Variants in LDAH observed in about 807,000 individuals in gnomAD.
LDAH encodes the protein lipid droplet associated hydrolase, also known as lipid droplet-associated hydrolase.
A neutral mutation model predicts 29.6 loss-of-function variants in LDAH; 26 were observed. The ratio of observed to expected loss-of-function variants is 0.88; its 90% CI spans 0.64 to 1.22. The LOEUF is 1.22. LDAH is among the 50% of genes most tolerant of loss of function. The probability of loss-of-function intolerance (pLI) is 0.00; values close to 1 mark genes in which losing one functional copy is unlikely to be tolerated. For missense variants in LDAH, 344 were observed against 387.3 expected (o/e 0.89, Z 0.94); for synonymous variants, 117 against 133.0 (o/e 0.88, Z 0.83).
intron 4 of LDAH, among the ~76,000 whole-genome samples, chr2:20,750,945 G>A (rs559890605): frequency 6.6e-6 from 1 of 152,334 alleles, no homozygotes; most frequent in African/African-American, 2.4e-5. Flanking sequence ...CCTGCAAAAG[G>A]AAGTTAAACA....
At chr2:20,740,693 T>C (rs1667113677) in intron 4 of LDAH, among the ~76,000 whole-genome samples, 1 of 152,236 alleles carries the variant, frequency 6.6e-6, no homozygotes, top group South Asian at 2.1e-4. Flanking sequence ...CTGAAGGAAA[T>C]ACTGGTTGCT....
chr2:20,709,021 ATCT>A (rs1664509220), intron 5 of LDAH, among the ~76,000 whole-genome samples: 1 of 152,220 alleles, frequency 6.6e-6, no homozygotes, highest in African/African-American at 2.4e-5. Flanking sequence ...ATTTCTAAAT[ATCT>A]TCTTAAGAAG....
chr2:20,781,515 T>C (rs1309616604), intron 3 of LDAH, among the ~76,000 whole-genome samples: 1 of 152,212 alleles, frequency 6.6e-6, no homozygotes, highest in Non-Finnish European at 1.5e-5. Flanking sequence ...AAATAATATA[T>C]CTGTGTTGCC....
intron 4 of LDAH, among the ~76,000 whole-genome samples, chr2:20,763,395 T>A (rs903384185): frequency 2.0e-5 from 3 of 152,248 alleles, no homozygotes; most frequent in Non-Finnish European, 4.4e-5. Context: ...AACTTAAGCA[T>A]GTACCAGAAT....
At position 20,686,724 on chromosome 2, in the gene LDAH, T is replaced by C; in HGVS notation, c.*179A>G. The C allele has an allele frequency of 3.7e-6, 2 of 534,146 alleles. No individual in the cohort carries two copies. The highest frequency in any genetic ancestry group is 2.4e-5 in the South Asian group (1 of 41,514). 33.1% of individuals were successfully genotyped at this position (534,146 alleles called of 1,614,324 possible). ...ATGTATGGTTAAACCTATGGAATGA[T>C]TCATCAACTGTGTTTACTTCAGCCT... On this transcript the variant is annotated 3_prime_UTR_variant, in exon 7 of 7. Transcript: ENST00000237822.
intron 5 of LDAH, among the ~76,000 whole-genome samples, chr2:20,713,415 C>A (rs62123971): frequency 0.016 from 2,428 of 152,264 alleles, 48 homozygotes; most frequent in Non-Finnish European, 0.02. Context: ...ACAACCGGTA[C>A]CAGCCACTGC....
At chr2:20,749,370 ATTCC>A (rs1667800901) in intron 4 of LDAH, among the ~76,000 whole-genome samples, 1 of 152,238 alleles carries the variant, frequency 6.6e-6, no homozygotes, top group Non-Finnish European at 1.5e-5. Context: ...TAAAAAAATT[ATTCC>A]CTATTTAACT....
chr2:20,746,910 C>A (rs1246994908), intron 4 of LDAH, among the ~76,000 whole-genome samples: 1 of 152,064 alleles, frequency 6.6e-6, no homozygotes, highest in African/African-American at 2.4e-5. Flanking sequence ...GAAGCACAAC[C>A]GTGTTTTCTT....
chr2:20,794,105 T>C (rs919409977), intron 2 of LDAH, among the ~76,000 whole-genome samples: 5 of 152,102 alleles, frequency 3.3e-5, no homozygotes, highest in African/African-American at 9.7e-5. Context: ...TTCACAATCA[T>C]GGTGGAAGGC....
chr2:20,716,431 C>T (rs1665189896), intron 5 of LDAH, among the ~76,000 whole-genome samples: 1 of 151,952 alleles, frequency 6.6e-6, no homozygotes, highest in Non-Finnish European at 1.5e-5. Flanking sequence ...TTTGCAGGGA[C>T]ATGGATGAAG....
At chr2:20,756,702 G>A (rs111802110) in intron 4 of LDAH, among the ~76,000 whole-genome samples, 4,926 of 152,012 alleles carry the variant, frequency 0.032, 246 homozygotes, top group African/African-American at 0.11. Context: ...AATGGATAAT[G>A]GAAAAGAAAA....
intron 3 of LDAH, among the ~76,000 whole-genome samples, chr2:20,779,910 ATGT>A (rs1670072903): frequency 6.6e-6 from 1 of 152,194 alleles, no homozygotes; most frequent in Non-Finnish European, 1.5e-5. Context: ...GCCCCCAAAG[ATGT>A]TGTGGGTTGA....
intron 4 of LDAH, among the ~76,000 whole-genome samples, chr2:20,757,136 T>C (rs1668392503): frequency 6.6e-6 from 1 of 152,192 alleles, no homozygotes; most frequent in South Asian, 2.1e-4. Flanking sequence ...GCTAAAATGC[T>C]AGGGAAAAAG....
At chr2:20,808,536 C>G (rs979074764) in intron 1 of LDAH, among the ~76,000 whole-genome samples, 2 of 151,658 alleles carry the variant, frequency 1.3e-5, no homozygotes, top group African/African-American at 4.9e-5. Context: ...TGGTGGCGGG[C>G]GTCTATAATC....
chr2:20,777,643 C>G (rs1023009948), intron 3 of LDAH, among the ~76,000 whole-genome samples: 6 of 152,048 alleles, frequency 3.9e-5, no homozygotes, highest in African/African-American at 1.2e-4. Flanking sequence ...CTTCTGACCT[C>G]AGGTGATCCA....
intron 5 of LDAH, among the ~76,000 whole-genome samples, chr2:20,708,012 T>G: frequency 6.6e-6 from 1 of 152,320 alleles, no homozygotes; most frequent in East Asian, 1.9e-4. Flanking sequence ...CATCTGTCAC[T>G]GTCCCCCATC....
At chr2:20,692,274 A>G (rs566969116) in intron 6 of LDAH, among the ~76,000 whole-genome samples, 33 of 152,324 alleles carry the variant, frequency 2.2e-4, no homozygotes, top group African/African-American at 7.5e-4. Context: ...GGGACCCCAA[A>G]GCAGGAAAAC....
In LDAH at chr2:20,787,239, T is replaced by C. The variant is rs145342997; in HGVS notation, c.298+3016A>G. Among the ~76,000 whole-genome samples, 439 of 152,320 alleles carry C rather than the reference T, an allele frequency of 2.9e-3. 1 individual carries two copies. Among genetic ancestry groups the C allele is most frequent in the Non-Finnish European group, 5.1e-3 (345 of 68,024 alleles). ...TGACAATTTGTCCTGTGACCTCAAT[T>C]CTCTGAAAGGTCTAAGAAAAATGAT... On this transcript the variant is annotated intron_variant, in intron 3 of 6. Coordinates refer to ENST00000237822, the MANE Select transcript of LDAH (RefSeq NM_021925.4).
intron 5 of LDAH, among the ~76,000 whole-genome samples, chr2:20,715,819 A>C (rs1206579655): frequency 6.6e-6 from 1 of 150,690 alleles, no homozygotes; most frequent in Non-Finnish European, 1.5e-5. Context: ...AATACAACTT[A>C]CAAGGGATGT....
Sources: allele counts gnomAD v4.1 joint callset (sites outside exome capture counted in the v4.1 genomes callset), GRCh38; gene constraint gnomAD v4.1.1; transcripts MANE v1.5; gene names NCBI Gene and HGNC (gene_info 2026-07-23, HGNC 2026-07-21).